The following MYH10 variants were observed in gnomAD, a reference collection of about 807,000 sequenced individuals.
MYH10 encodes the protein myosin-10.
A neutral mutation model predicts 257.8 loss-of-function variants in MYH10; 55 were observed. The ratio of observed to expected loss-of-function variants is 0.21; its 90% CI spans 0.17 to 0.27. The LOEUF is 0.27. Among genes scored for constraint, MYH10 ranks in the 10% least tolerant of loss-of-function variants. The pLI, the probability that MYH10 is intolerant of heterozygous loss-of-function variation, is 1.00. For missense variants in MYH10, 1,631 were observed against 2,500.6 expected (o/e 0.65, Z 7.42); for synonymous variants, 854 against 921.7 (o/e 0.93, Z 1.33).
intron 3 of MYH10, among the ~76,000 whole-genome samples, chr17:8,589,650 G>A (rs2084045538): frequency 6.6e-6 from 1 of 151,968 alleles, no homozygotes; most frequent in Admixed American, 6.6e-5. Flanking sequence ...AACACTGAGT[G>A]GAAAGAAAGT....
intron 34 of MYH10, among the ~76,000 whole-genome samples, chr17:8,491,914 G>A (rs970264510): frequency 6.6e-6 from 1 of 152,196 alleles, no homozygotes; most frequent in Non-Finnish European, 1.5e-5. Context: ...AGAGGGAGCT[G>A]CCATTCCCTC....
At chr17:8,570,322 T>C (rs1201456634) in intron 6 of MYH10, among the ~76,000 whole-genome samples, 1 of 152,194 alleles carries the variant, frequency 6.6e-6, no homozygotes, top group Non-Finnish European at 1.5e-5. Context: ...ACCTCCACTT[T>C]CAGAGGATGG....
At chr17:8,627,455 A>G (rs2085726968) in intron 1 of MYH10, among the ~76,000 whole-genome samples, 1 of 152,168 alleles carries the variant, frequency 6.6e-6, no homozygotes. Context: ...TGGCAATTTA[A>G]TCCTTTTCCT....
At chr17:8,511,550 C>A (rs2081297525) in intron 24 of MYH10, among the ~76,000 whole-genome samples, 1 of 152,080 alleles carries the variant, frequency 6.6e-6, no homozygotes, top group Non-Finnish European at 1.5e-5. Context: ...AAAACAAAAA[C>A]AAACCCCAAA....
At chr17:8,516,863 G>A (rs1261796517) in intron 21 of MYH10, among the ~76,000 whole-genome samples, 1 of 152,160 alleles carries the variant, frequency 6.6e-6, no homozygotes, top group Non-Finnish European at 1.5e-5. Flanking sequence ...ACCCGGCCGG[G>A]CACAGTGGCT....
At chr17:8,509,267 C>A (rs2081179465) in intron 25 of MYH10, among the ~76,000 whole-genome samples, 1 of 152,178 alleles carries the variant, frequency 6.6e-6, no homozygotes, top group Non-Finnish European at 1.5e-5. Flanking sequence ...AAGTGTGTGG[C>A]CTAGATGCAA....
At chr17:8,546,212 T>C (rs1430873490) in intron 12 of MYH10, among the ~76,000 whole-genome samples, 2 of 151,852 alleles carry the variant, frequency 1.3e-5, no homozygotes, top group African/African-American at 4.8e-5. Flanking sequence ...GCGCATGCCA[T>C]CACGCCCGGC....
intron 16 of MYH10, among the ~76,000 whole-genome samples, chr17:8,532,936 A>G (rs1278789055): frequency 6.6e-6 from 1 of 152,256 alleles, no homozygotes; most frequent in Non-Finnish European, 1.5e-5. Context: ...AAAAGGGTTC[A>G]TAGTGTCAGA....
chr17:8,629,349 C>G (rs886119493), intron 1 of MYH10, among the ~76,000 whole-genome samples: 13 of 137,600 alleles, frequency 9.4e-5, no homozygotes, highest in Non-Finnish European at 1.7e-4. Flanking sequence ...CCCACCCCAG[C>G]CCACCCCACC....
At chr17:8,547,010 C>T (rs1433252805) in intron 11 of MYH10, among the ~76,000 whole-genome samples, 1 of 152,120 alleles carries the variant, frequency 6.6e-6, no homozygotes, top group East Asian at 1.9e-4. Flanking sequence ...TTGACCTGCT[C>T]CATTTTCAAC....
chr17:8,495,149 T>C lies in MYH10; in HGVS notation c.4044A>G (p.Leu1348=). The C allele has an allele frequency of 1.2e-6, 2 of 1,600,348 alleles. No individual in the cohort carries two copies. Among genetic ancestry groups the C allele is most frequent in the Non-Finnish European group, 8.6e-7 (1 of 1,167,324 alleles). Residue 1348 remains leucine (L), a synonymous_variant, in exon 31 of 43, where the codon CTA becomes CTG. Transcript: ENST00000360416. ...CCCCAGGGAATACCTGTGTATCCTG[T>C]AGTTGAGACTCAAGACTAGCTGCAT... ...AKDAASLESQ[L]QDTQELLQEE...
At chr17:8,607,627 T>TCTATA (rs2084861397) in intron 2 of MYH10, among the ~76,000 whole-genome samples, 1 of 152,220 alleles carries the variant, frequency 6.6e-6, no homozygotes, top group East Asian at 1.9e-4. Flanking sequence ...CTGCACCAGT[T>TCTATA]CTGTCTTCCC....
chr17:8,523,183 C>T (rs2081715506), intron 17 of MYH10, among the ~76,000 whole-genome samples: 1 of 152,170 alleles, frequency 6.6e-6, no homozygotes, highest in Admixed American at 6.5e-5. Context: ...GAGCCAGCTG[C>T]CAAACACCTG....
chr17:8,499,245 T>C (rs1917146585), intron 30 of MYH10, 25 bp downstream of exon 30: 1 of 1,607,884 alleles, frequency 6.2e-7, no homozygotes, highest in Non-Finnish European at 8.5e-7. Context: ...GTGGGACGTG[T>C]GTAGAGCGGA....
intron 4 of MYH10, among the ~76,000 whole-genome samples, chr17:8,585,240 ATGTG>A (rs140156237): frequency 5.0e-5 from 7 of 140,186 alleles, no homozygotes; most frequent in African/African-American, 1.9e-4. Flanking sequence ...GTGTGTATAT[ATGTG>A]TATATATCTA....
intron 14 of MYH10, among the ~76,000 whole-genome samples, 156 bp from the exon 15 acceptor site, chr17:8,536,087 TA>T (rs1475038420): frequency 2.6e-5 from 4 of 152,214 alleles, no homozygotes; most frequent in Non-Finnish European, 5.9e-5. Flanking sequence ...AACAAGTTTA[TA>T]ATTCAAACAC....
chr17:8,611,197 A>G (rs998842661), intron 2 of MYH10, among the ~76,000 whole-genome samples: 1 of 152,206 alleles, frequency 6.6e-6, no homozygotes. Flanking sequence ...AGTTAAGACT[A>G]TATGAGAAAC....
chr17:8,548,560 G>GTTTAGTTTC (rs2082517159), intron 10 of MYH10, 84 bp downstream of exon 10: 2 of 1,512,180 alleles, frequency 1.3e-6, no homozygotes, highest in African/African-American at 1.4e-5. Flanking sequence ...TAGTTTCCCA[G>GTTTAGTTTC]TCATTTTCTA....
At position 8,480,016 on chromosome 17, in the gene MYH10, G is replaced by A. The variant is rs548715820; in HGVS notation, c.5597+94C>T. The A allele has an allele frequency of 5.4e-5, 67 of 1,233,064 alleles. No homozygotes were observed. The African/African-American group carries it at 8.4e-4, about 15-fold the overall frequency. 76.4% of individuals were successfully genotyped at this position (1,233,064 alleles called of 1,614,324 possible). A position where few individuals can be genotyped will look rare whatever the true frequency, so the allele number is the denominator to read the frequency against. On this transcript the variant is annotated intron_variant, in intron 40 of 42. Coordinates refer to ENST00000360416, the MANE Select transcript of MYH10 (RefSeq NM_001256012.3). ...CTGGTTATATGTGTTCTCTGCCCAC[G>A]TGGTGGGGAGCCCCCCCGAAAGGGG...
Sources: gnomAD v4.1 joint callset for allele counts (sites outside exome capture counted in the v4.1 genomes callset) on GRCh38, gnomAD v4.1.1 for gene constraint, MANE v1.5 for transcripts, NCBI Gene and HGNC (gene_info 2026-07-23, HGNC 2026-07-21) for gene names.